Variants in DENND5B observed in about 807,000 individuals in gnomAD.
The protein encoded by DENND5B is DENN domain-containing protein 5B.
In DENND5B, 34 loss-of-function variants were observed where a neutral mutation model predicts 140.6. The ratio of observed to expected loss-of-function variants is 0.24; its 90% CI spans 0.18 to 0.32. The LOEUF is 0.32. DENND5B is among the 10% of genes least tolerant of loss of function. DENND5B has a pLI of 1.00. For missense variants in DENND5B, 1,142 were observed against 1,560.2 expected, an observed-to-expected ratio of 0.73 and a Z score of 4.52; for synonymous variants, 551 against 562.1, an observed-to-expected ratio of 0.98 and a Z score of 0.28.
intron 1 of DENND5B, among the ~76,000 whole-genome samples, chr12:31,542,681 C>T (rs1161785399): frequency 6.6e-6 from 1 of 152,136 alleles, no homozygotes; most frequent in African/African-American, 2.4e-5. Flanking sequence ...ATGGGTAGGG[C>T]ACGGTGGCTC....
At chr12:31,464,227 TA>T (rs1565605287) in intron 3 of DENND5B, among the ~76,000 whole-genome samples, 1 of 152,166 alleles carries the variant, frequency 6.6e-6, no homozygotes, top group African/African-American at 2.4e-5. Flanking sequence ...CATCACTCCA[TA>T]TGCAGTAAGA....
At chr12:31,456,742 C>T (rs1434227891) in intron 4 of DENND5B, among the ~76,000 whole-genome samples, 2 of 152,170 alleles carry the variant, frequency 1.3e-5, no homozygotes, top group East Asian at 1.9e-4. Flanking sequence ...TTCTCAGTGT[C>T]TGAAGTTAAG....
chr12:31,418,456 T>G lies in DENND5B; in HGVS notation c.2471-3008A>C, dbSNP rs114642460. Among the ~76,000 whole-genome samples, 1,208 of 146,386 alleles carry G rather than the reference T, an allele frequency of 8.3e-3. 8 individuals carry two copies. The highest frequency in any genetic ancestry group is 0.029 in the African/African-American group (1,159 of 40,002). ...ACCACACCTGGCTAATTTTTGTGTG[T>G]TTTTTTTTTGTAGAGACGGGGTTTT... On this transcript the variant is annotated intron_variant, in intron 11 of 20. Coordinates refer to ENST00000389082, the MANE Select transcript of DENND5B (RefSeq NM_144973.4).
At chr12:31,536,324 A>G (rs2139127494) in intron 1 of DENND5B, among the ~76,000 whole-genome samples, 1 of 152,284 alleles carries the variant, frequency 6.6e-6, no homozygotes, top group African/African-American at 2.4e-5. Flanking sequence ...ATTCAAGATA[A>G]CACGGAGAAG....
rs142310421 is a variant in DENND5B, at chr12:31,566,388, T to C, written c.127+24318A>G. ...TGTGTGTGTAATTCAAGCAATACTT[T>C]TATTATTGTTATTAAATTAAGAGAT... On this transcript the variant is annotated intron_variant, in intron 1 of 20. Coordinates refer to ENST00000389082, the MANE Select transcript of DENND5B (RefSeq NM_144973.4). Among the ~76,000 whole-genome samples, 8 of 149,490 alleles carry C rather than the reference T, an allele frequency of 5.4e-5. No individual in the cohort carries two copies. The East Asian group carries it at 1.4e-3, about 26-fold the overall frequency.
At chr12:31,480,355 AG>A (rs1333861260) in intron 2 of DENND5B, 100 bp from the exon 3 acceptor site, 9 of 1,183,900 alleles carry the variant, frequency 7.6e-6, no homozygotes, top group Non-Finnish European at 1.0e-5. Context: ...TCAAAAAGAC[AG>A]GTTTTATCCA....
Position 31,423,673 on chromosome 12 carries a change from C to T in DENND5B, c.2394G>A (p.Gly798=), listed in dbSNP as rs1315479198. Residue 798 remains glycine, a splice_region_variant and synonymous_variant, in exon 11 of 21, where the codon GGG becomes GGA. Transcript: ENST00000389082. ...IWSHGLQVKQ[G]KSALWSHLIQ... is the part of the protein sequence containing the mutation. ...TTAAATGTGACCACAAAGCCGACTT[C>T]CCCTGAAAGTACAAGATGTGTAAAA... The T allele has an allele frequency of 1.2e-6, 2 of 1,613,598 alleles. No homozygotes were observed. The highest frequency in any genetic ancestry group is 1.7e-5 in the Admixed American group (1 of 59,974).
At chr12:31,442,963 T>C (rs937895230) in intron 6 of DENND5B, 38 bp from the exon 7 acceptor site, 11 of 1,527,370 alleles carry the variant, frequency 7.2e-6, no homozygotes, top group East Asian at 2.5e-5. Context: ...AGACATTTCA[T>C]TGCTAGCCCT....
At position 31,480,073 on chromosome 12, in the gene DENND5B, G is replaced by A. The variant is rs774515615; in HGVS notation, c.420C>T (p.Asn140=). ...TAMQTLYQMH[N]AEHYSSVYAS... ...CATACACACTGCTGTAATGCTCAGC[G>A]TTGTGCATCTGGTAAAGTGTCTGCA... is the stretch of plus-strand genomic sequence containing the variant. The change falls in exon 3 of 21, where the codon AAC becomes AAT. Residue 140 remains asparagine (N), a synonymous_variant. Coordinates refer to ENST00000389082, the MANE Select transcript of DENND5B (RefSeq NM_144973.4). 1.1e-5 allele frequency: 17 copies of A among 1,613,862 alleles called. No homozygotes were observed. The highest frequency in any genetic ancestry group is 8.8e-5 in the South Asian group (8 of 91,082).
chr12:31,539,434 T>C (rs1365252646), intron 1 of DENND5B, among the ~76,000 whole-genome samples: 4 of 151,748 alleles, frequency 2.6e-5, no homozygotes, highest in Non-Finnish European at 4.4e-5. Flanking sequence ...AGAAAAAAAA[T>C]TACAGACCAA....
chr12:31,443,068 G>T, intron 6 of DENND5B, 143 bp from the exon 7 acceptor site: 1 of 537,914 alleles, frequency 1.9e-6, no homozygotes, highest in Non-Finnish European at 3.0e-6. Flanking sequence ...GTGTGTGCAC[G>T]CACGCACGCA....
chr12:31,557,405 G>T (rs972161971), intron 1 of DENND5B, among the ~76,000 whole-genome samples: 1 of 151,770 alleles, frequency 6.6e-6, no homozygotes, highest in African/African-American at 2.4e-5. Context: ...TTAAGACAGG[G>T]TCTCGCTCTG....
chr12:31,550,051 TTC>T (rs1019701852), intron 1 of DENND5B, among the ~76,000 whole-genome samples: 1 of 151,782 alleles, frequency 6.6e-6, no homozygotes, highest in African/African-American at 2.4e-5. Context: ...CATTCTTTTT[TTC>T]TTTTTTTTTT....
chr12:31,416,908 T>C (rs1489943855), intron 11 of DENND5B, among the ~76,000 whole-genome samples: 1 of 144,960 alleles, frequency 6.9e-6, no homozygotes, highest in Non-Finnish European at 1.5e-5. Context: ...ATATGTCTTT[T>C]TTTTTTTAAT....
rs1054257854 is a variant in DENND5B at position 31,386,354 on chromosome 12, TACTC to T, written c.*1245_*1248del. 1 of 154,476 alleles carries T rather than the reference TACTC, an allele frequency of 6.5e-6. No homozygotes were observed. Among genetic ancestry groups the T allele is most frequent in the Non-Finnish European group, 1.5e-5 (1 of 68,212 alleles). 9.6% of individuals were successfully genotyped at this position (154,476 alleles called of 1,614,324 possible). ...TTTATAAACTATCAAACTGGAAAGT[TACTC>T]ACAACTTTTGGTCTTTCAAAATTGT... On this transcript the variant is annotated 3_prime_UTR_variant, in exon 21 of 21. Coordinates refer to ENST00000389082, the MANE Select transcript of DENND5B (RefSeq NM_144973.4).
chr12:31,466,598 C>T (rs1945278732), intron 3 of DENND5B, among the ~76,000 whole-genome samples: 1 of 151,724 alleles, frequency 6.6e-6, no homozygotes, highest in Non-Finnish European at 1.5e-5. Flanking sequence ...GAGGCTGAGA[C>T]AGGAGAATTG....
chr12:31,483,225 G>A (rs1448578673), intron 2 of DENND5B, among the ~76,000 whole-genome samples: 1 of 152,156 alleles, frequency 6.6e-6, no homozygotes, highest in South Asian at 2.1e-4. Context: ...AACCTGGGTG[G>A]GCTGCTGAGA....
chr12:31,430,160 T>C (rs1240943113), intron 8 of DENND5B, among the ~76,000 whole-genome samples: 1 of 150,650 alleles, frequency 6.6e-6, no homozygotes, highest in Non-Finnish European at 1.5e-5. Flanking sequence ...GTAGCTGGGA[T>C]TACAGGCACA....
chr12:31,496,859 C>T (rs916309657), intron 1 of DENND5B, among the ~76,000 whole-genome samples: 7 of 151,954 alleles, frequency 4.6e-5, no homozygotes, highest in Non-Finnish European at 8.8e-5. Context: ...TTAAGGTAGA[C>T]GGATCTTAAA....
Sources: gnomAD v4.1 joint callset for allele counts (sites outside exome capture counted in the v4.1 genomes callset) on GRCh38, gnomAD v4.1.1 for gene constraint, MANE v1.5 for transcripts, NCBI Gene and HGNC (gene_info 2026-07-23, HGNC 2026-07-21) for gene names.